The following JAZF1 variants were observed in gnomAD, a reference collection of about 807,000 sequenced individuals.
The protein encoded by JAZF1 is juxtaposed with another zinc finger protein 1.
Under a neutral mutation model 26.4 loss-of-function variants are expected in JAZF1, and 8 were observed. The ratio of observed to expected loss-of-function variants is 0.30; its 90% CI spans 0.18 to 0.55. JAZF1 has a LOEUF of 0.55. JAZF1 is among the 20% of genes least tolerant of loss of function. The probability of loss-of-function intolerance (pLI) is 0.94; values close to 1 mark genes in which losing one functional copy is unlikely to be tolerated. For synonymous variants in JAZF1, 126 were observed against 122.3 expected (o/e 1.03, Z -0.20); for missense variants, 199 against 322.0 (o/e 0.62, Z 2.92).
rs146346542 is a variant in JAZF1, at chr7:28,161,562, T to G, written c.115+18901A>C. Among the ~76,000 whole-genome samples the G allele has an allele frequency of 3.3e-3, 499 of 152,282 alleles. 3 individuals are homozygous for G. Among genetic ancestry groups the G allele is most frequent in the African/African-American group, 0.011 (477 of 41,560 alleles). On this transcript the variant is annotated intron_variant, in intron 1 of 4. Transcript: ENST00000283928. ...GGGGGCTTTGCTGCTGTCACAGGAATGAGTGTCAGGAGTGACTTTCAGAAA... is the reference window on the plus strand; with the variant it reads ...GGGGGCTTTGCTGCTGTCACAGGAAGGAGTGTCAGGAGTGACTTTCAGAAA...
chr7:28,069,839 C>A (rs1019009452), intron 1 of JAZF1, among the ~76,000 whole-genome samples: 1 of 152,114 alleles, frequency 6.6e-6, no homozygotes, highest in African/African-American at 2.4e-5. Flanking sequence ...ACTCATGCCC[C>A]CAAGTTTGAA....
intron 1 of JAZF1, among the ~76,000 whole-genome samples, chr7:28,122,994 C>A (rs1447718919): frequency 6.6e-6 from 1 of 152,128 alleles, no homozygotes. Flanking sequence ...CAGCAGCAAT[C>A]AGTTCTATTT....
At chr7:28,086,674 T>C (rs1008307605) in intron 1 of JAZF1, among the ~76,000 whole-genome samples, 2 of 152,242 alleles carry the variant, frequency 1.3e-5, no homozygotes, top group African/African-American at 2.4e-5. Flanking sequence ...GTTTTTGCTG[T>C]AATTAGTTTG....
intron 3 of JAZF1, among the ~76,000 whole-genome samples, chr7:27,862,366 G>A (rs375992077): frequency 7.1e-6 from 1 of 140,440 alleles, no homozygotes; most frequent in Admixed American, 7.1e-5. Flanking sequence ...CGCCTCCCCC[G>A]CCCCAGAGGT....
intron 1 of JAZF1, among the ~76,000 whole-genome samples, chr7:28,141,224 A>G (rs1782955425): frequency 6.6e-6 from 1 of 152,208 alleles, no homozygotes; most frequent in Admixed American, 6.5e-5. Context: ...AGAAGGTTGA[A>G]GTTAACAAAC....
intron 3 of JAZF1, among the ~76,000 whole-genome samples, chr7:27,856,743 G>C (rs1332762198): frequency 2.6e-5 from 4 of 152,076 alleles, no homozygotes; most frequent in African/African-American, 7.2e-5. Context: ...CCTTCAGCTA[G>C]ATACAGAGTG....
At chr7:28,138,757 T>C (rs1049889385) in intron 1 of JAZF1, among the ~76,000 whole-genome samples, 22 of 152,194 alleles carry the variant, frequency 1.4e-4, no homozygotes, top group African/African-American at 5.3e-4. Context: ...ACTGTAGACG[T>C]CGAGTGCTGG....
intron 4 of JAZF1, 100 bp from the exon 5 acceptor site, chr7:27,833,076 G>T: frequency 2.3e-6 from 2 of 878,184 alleles, no homozygotes; most frequent in Non-Finnish European, 3.4e-6. Flanking sequence ...CTGGATGGCA[G>T]CTGTTTAGAG....
At chr7:27,966,846 T>C (rs1301202008) in intron 2 of JAZF1, among the ~76,000 whole-genome samples, 1 of 152,226 alleles carries the variant, frequency 6.6e-6, no homozygotes, top group Non-Finnish European at 1.5e-5. Context: ...ACCTGGTAAC[T>C]TGCAATGAAG....
At chr7:27,955,121 C>T (rs1479749266) in intron 2 of JAZF1, among the ~76,000 whole-genome samples, 1 of 152,158 alleles carries the variant, frequency 6.6e-6, no homozygotes, top group Non-Finnish European at 1.5e-5. Flanking sequence ...CCAATAAATT[C>T]TTGTGGTTTG....
intron 2 of JAZF1, among the ~76,000 whole-genome samples, chr7:27,983,663 T>C (rs1326001898): frequency 6.6e-6 from 1 of 151,710 alleles, no homozygotes; most frequent in Non-Finnish European, 1.5e-5. Flanking sequence ...TTCACAAAAG[T>C]TGAAATAAAG....
intron 3 of JAZF1, among the ~76,000 whole-genome samples, chr7:27,848,644 A>G (rs1169398318): frequency 6.6e-6 from 1 of 152,174 alleles, no homozygotes; most frequent in Non-Finnish European, 1.5e-5. Context: ...GTTTCTGCTG[A>G]TGCTCTGATT....
intron 2 of JAZF1, among the ~76,000 whole-genome samples, chr7:27,973,953 T>C (rs186358447): frequency 2.6e-5 from 4 of 152,226 alleles, no homozygotes; most frequent in Admixed American, 2.0e-4. Flanking sequence ...AGGGGAAGCA[T>C]TCAAGAGGCG....
In JAZF1 at chr7:28,009,078, T is replaced by G. The variant is rs1019308913; in HGVS notation, c.116-17097A>C. ...ACCTCTGGGATTTGGTAAACCTTAC[T>G]ATCAGCTGAGTTTCCACAAATGGAA... On this transcript the variant is annotated intron_variant, in intron 1 of 4. Coordinates refer to ENST00000283928, the MANE Select transcript of JAZF1 (RefSeq NM_175061.4). Among the ~76,000 whole-genome samples, 3 of 152,314 alleles carry G rather than the reference T, an allele frequency of 2.0e-5. No homozygotes were observed. In the South Asian group the frequency reaches 6.2e-4, roughly 32 times the overall value.
At chr7:28,072,465 T>C (rs1018531245) in intron 1 of JAZF1, among the ~76,000 whole-genome samples, 3 of 152,252 alleles carry the variant, frequency 2.0e-5, no homozygotes, top group Non-Finnish European at 2.9e-5. Context: ...TGCAACTCTA[T>C]GCTTAAATAG....
chr7:28,084,519 C>T (rs997036877), intron 1 of JAZF1, among the ~76,000 whole-genome samples: 4 of 152,184 alleles, frequency 2.6e-5, no homozygotes, highest in South Asian at 2.1e-4. Flanking sequence ...CCTGGCTTCC[C>T]GTCAGGAAGT....
intron 1 of JAZF1, among the ~76,000 whole-genome samples, chr7:28,008,873 G>A (rs969581630): frequency 3.9e-5 from 6 of 152,142 alleles, no homozygotes; most frequent in African/African-American, 1.4e-4. Context: ...ACTACAAACT[G>A]TGTGATCAAC....
intron 1 of JAZF1, among the ~76,000 whole-genome samples, chr7:28,142,144 T>C (rs563990005): frequency 9.9e-4 from 151 of 152,338 alleles, no homozygotes; most frequent in East Asian, 2.3e-3. Context: ...TTTTTCCCTC[T>C]TCTTTGTAAA....
intron 3 of JAZF1, among the ~76,000 whole-genome samples, chr7:27,847,667 G>A (rs557566481): frequency 1.2e-4 from 18 of 152,112 alleles, no homozygotes; most frequent in African/African-American, 3.4e-4. Context: ...GATTATCTTT[G>A]CTTTATAATT....
Sources: allele counts gnomAD v4.1 joint callset (sites outside exome capture counted in the v4.1 genomes callset), GRCh38; gene constraint gnomAD v4.1.1; transcripts MANE v1.5; gene names NCBI Gene and HGNC (gene_info 2026-07-23, HGNC 2026-07-21).